Variants in LHCGR observed in about 807,000 individuals in gnomAD.
LHCGR encodes the protein luteinizing hormone/choriogonadotropin receptor.
In LHCGR, 55 loss-of-function variants were observed where a neutral mutation model predicts 60.7. The observed-to-expected ratio is 0.91, with a 90% CI of 0.73 to 1.13. The LOEUF (loss-of-function observed/expected upper bound fraction) is 1.13. Among genes scored for constraint, LHCGR ranks in the 50% most tolerant of loss-of-function variants. The probability of loss-of-function intolerance (pLI) is 0.00; values close to 1 mark genes in which losing one functional copy is unlikely to be tolerated. For synonymous variants in LHCGR, 337 were observed against 316.5 expected, an observed-to-expected ratio of 1.06 and a Z score of -0.69; for missense variants, 862 against 836.0, an observed-to-expected ratio of 1.03 and a Z score of -0.38.
chr2:48,732,753 C>T (rs559955288), intron 1 of LHCGR: 10 of 453,596 alleles, frequency 2.2e-5, no homozygotes, highest in Middle Eastern at 3.9e-4. Flanking sequence ...TTCTGCAAAG[C>T]GGTTTACCAG....
At chr2:48,738,163 C>A (rs925031508) in intron 1 of LHCGR, among the ~76,000 whole-genome samples, 1 of 152,196 alleles carries the variant, frequency 6.6e-6, no homozygotes, top group East Asian at 1.9e-4. Context: ...CTCCATGAAG[C>A]TTTGGAGCCT....
intron 1 of LHCGR, among the ~76,000 whole-genome samples, chr2:48,751,202 T>C (rs1669940283): frequency 1.3e-5 from 2 of 152,216 alleles, no homozygotes; most frequent in African/African-American, 4.8e-5. Flanking sequence ...CAACCAATCA[T>C]CAAATAATGG....
chr2:48,727,906 G>C (rs1455729945), intron 3 of LHCGR, among the ~76,000 whole-genome samples: 1 of 152,084 alleles, frequency 6.6e-6, no homozygotes, highest in Non-Finnish European at 1.5e-5. Context: ...CATTTATAGG[G>C]GGACCCTGTG....
At chr2:48,747,498 C>G (rs894053922) in intron 1 of LHCGR, among the ~76,000 whole-genome samples, 1 of 152,212 alleles carries the variant, frequency 6.6e-6, no homozygotes, top group African/African-American at 2.4e-5. Context: ...AAAATGCGCC[C>G]TTCTCTGGAA....
intron 1 of LHCGR, among the ~76,000 whole-genome samples, chr2:48,751,632 G>A (rs112252957): frequency 1.5e-4 from 23 of 152,132 alleles, no homozygotes; most frequent in African/African-American, 5.1e-4. Context: ...ACACTGTTTT[G>A]GACCCTGATT....
intron 9 of LHCGR, among the ~76,000 whole-genome samples, chr2:48,696,594 T>A (rs1667125076): frequency 1.3e-5 from 2 of 151,916 alleles, no homozygotes; most frequent in African/African-American, 4.8e-5. Context: ...GTCAGGTCAA[T>A]AAATGAAAAT....
rs114298185 is a variant in LHCGR, at chr2:48,749,093, A to C, written c.161+6418T>G. On this transcript the variant is annotated intron_variant, in intron 1 of 10. Transcript: ENST00000294954. ...CAAGTGTAACAGCAGCAAGGAATTA[A>C]ATCTTCATTCTGAAAGTTGAGTTTT... 3.9e-3 allele frequency among the ~76,000 whole-genome samples: 596 copies of C among 152,346 alleles called. 3 individuals carry two copies. The highest frequency in any genetic ancestry group is 0.014 in the African/African-American group (567 of 41,576).
intron 3 of LHCGR, 126 bp from the exon 4 acceptor site, chr2:48,725,876 A>T: frequency 7.4e-5 from 53 of 719,656 alleles, no homozygotes; most frequent in East Asian, 2.0e-4. Flanking sequence ...CGACCTTCAT[A>T]TGCTTGGGAG....
At chr2:48,725,890 C>T in intron 3 of LHCGR, 140 bp from the exon 4 acceptor site, 1 of 722,198 alleles carries the variant, frequency 1.4e-6, no homozygotes, top group Non-Finnish European at 2.5e-6. Context: ...TTGGGAGGAC[C>T]CCTAGCGACT....
chr2:48,731,366 A>T, intron 1 of LHCGR, 68 bp from the exon 2 acceptor site: 1 of 1,063,776 alleles, frequency 9.4e-7, no homozygotes, highest in Non-Finnish European at 1.4e-6. Flanking sequence ...GTTCATGAAT[A>T]AAATGGGTAT....
In LHCGR at chr2:48,689,114, T is replaced by C. The variant is rs536909296; in HGVS notation, c.948-265A>G. Among the ~76,000 whole-genome samples the C allele has an allele frequency of 6.6e-5, 10 of 151,152 alleles. No homozygotes were observed. The East Asian group carries it at 1.7e-3, about 26-fold the overall frequency. On this transcript the variant is annotated intron_variant, in intron 10 of 10. Coordinates refer to ENST00000294954, the MANE Select transcript of LHCGR (RefSeq NM_000233.4). ...ATATATATACATATATACACATATA[T>C]ACATATATACACATATATACATATG...
intron 1 of LHCGR, among the ~76,000 whole-genome samples, chr2:48,755,046 A>C (rs139265302): frequency 1.6e-4 from 25 of 152,104 alleles, no homozygotes; most frequent in African/African-American, 5.1e-4. Flanking sequence ...AGATTAGGTC[A>C]CCCTTGGCCA....
intron 6 of LHCGR, among the ~76,000 whole-genome samples, chr2:48,714,606 T>C (rs1342405143): frequency 1.3e-5 from 2 of 152,032 alleles, no homozygotes; most frequent in African/African-American, 2.4e-5. Flanking sequence ...AGTGAATCAA[T>C]TTACTTGGGC....
intron 6 of LHCGR, among the ~76,000 whole-genome samples, chr2:48,719,382 G>A (rs1668405647): frequency 6.6e-6 from 1 of 152,060 alleles, no homozygotes; most frequent in Non-Finnish European, 1.5e-5. Flanking sequence ...GCTTGTCATG[G>A]GTGCAGCCTG....
intron 9 of LHCGR, among the ~76,000 whole-genome samples, chr2:48,695,695 T>G (rs1254665533): frequency 1.3e-5 from 2 of 152,182 alleles, no homozygotes; most frequent in Admixed American, 6.5e-5. Context: ...ATATATACAA[T>G]GTAATTCTAT....
intron 1 of LHCGR, among the ~76,000 whole-genome samples, chr2:48,732,310 A>G (rs932543722): frequency 1.3e-5 from 2 of 152,238 alleles, no homozygotes; most frequent in East Asian, 1.9e-4. Flanking sequence ...TATCAGGAAT[A>G]TGAGAACAAA....
intron 1 of LHCGR, among the ~76,000 whole-genome samples, chr2:48,738,664 C>G (rs1156567603): frequency 6.6e-6 from 1 of 152,084 alleles, no homozygotes; most frequent in Non-Finnish European, 1.5e-5. Flanking sequence ...CAGCCATTAG[C>G]CATATGTGGC....
intron 7 of LHCGR, among the ~76,000 whole-genome samples, chr2:48,709,411 A>C (rs1270195451): frequency 6.6e-6 from 1 of 152,238 alleles, no homozygotes; most frequent in Non-Finnish European, 1.5e-5. Context: ...CCTCTCAGTC[A>C]TTGTGACCGT....
intron 9 of LHCGR, among the ~76,000 whole-genome samples, chr2:48,694,560 T>TA (rs1300522952): frequency 6.6e-6 from 1 of 152,144 alleles, no homozygotes; most frequent in Admixed American, 6.5e-5. Flanking sequence ...TGAAAAAACT[T>TA]AAATTTGTCA....
Sources: gnomAD v4.1 joint callset for allele counts (sites outside exome capture counted in the v4.1 genomes callset) on GRCh38, gnomAD v4.1.1 for gene constraint, MANE v1.5 for transcripts, NCBI Gene and HGNC (gene_info 2026-07-23, HGNC 2026-07-21) for gene names.